The following TAFA1 variants were observed in gnomAD, a reference collection of about 807,000 sequenced individuals.
TAFA1 encodes the protein chemokine-like protein TAFA-1.
TAFA1 carries 4 observed loss-of-function variants against 18.5 expected under a neutral mutation model. The observed-to-expected ratio is 0.22, with a 90% CI of 0.11 to 0.49. The LOEUF (loss-of-function observed/expected upper bound fraction) is 0.49, where lower values mean the gene tolerates loss of function less well. TAFA1 is among the 20% of genes least tolerant of loss of function. The pLI is 0.98. For missense variants in TAFA1, 147 were observed against 169.0 expected (o/e 0.87, Z 0.72); for synonymous variants, 56 against 55.2 (o/e 1.01, Z -0.06).
intron 2 of TAFA1, among the ~76,000 whole-genome samples, chr3:68,320,649 C>T (rs1314068385): frequency 6.6e-6 from 1 of 152,136 alleles, no homozygotes; most frequent in African/African-American, 2.4e-5. Flanking sequence ...GAGGTGGCTC[C>T]CTGTTACTGC....
intron 2 of TAFA1, among the ~76,000 whole-genome samples, chr3:68,127,024 A>C (rs978137233): frequency 1.3e-5 from 2 of 152,226 alleles, no homozygotes; most frequent in Non-Finnish European, 2.9e-5. Context: ...TGATGTTACT[A>C]TGTAGCCTGA....
chr3:68,372,856 G>C (rs559655408), intron 2 of TAFA1, among the ~76,000 whole-genome samples: 2 of 152,260 alleles, frequency 1.3e-5, no homozygotes, highest in Non-Finnish European at 2.9e-5. Flanking sequence ...AAGAAGCTAA[G>C]CCAAGGAATC....
intron 3 of TAFA1, among the ~76,000 whole-genome samples, chr3:68,433,978 G>T (rs1024515137): frequency 6.6e-6 from 1 of 152,038 alleles, no homozygotes; most frequent in Non-Finnish European, 1.5e-5. Context: ...ACATTCTTTT[G>T]TCCTGAGTGT....
intron 2 of TAFA1, among the ~76,000 whole-genome samples, chr3:68,306,611 C>T (rs990283596): frequency 1.3e-5 from 2 of 152,200 alleles, no homozygotes; most frequent in Non-Finnish European, 2.9e-5. Context: ...CCTCCGCCTC[C>T]ACCTCCTGGA....
chr3:68,492,483 C>T (rs1490592957), intron 3 of TAFA1, among the ~76,000 whole-genome samples: 2 of 152,128 alleles, frequency 1.3e-5, no homozygotes, highest in Non-Finnish European at 2.9e-5. Flanking sequence ...CTCATTTCTC[C>T]CTGAATTCAT....
intron 2 of TAFA1, among the ~76,000 whole-genome samples, chr3:68,370,472 GTATATATATATATATATATATATA>G (rs749877780): frequency 6.4e-4 from 21 of 33,034 alleles, no homozygotes; most frequent in African/African-American, 2.1e-3. Context: ...GTGTGTGTGT[GTATATATATATATATATATATATA>G]TATATATATA....
At chr3:68,164,630 C>T (rs369623776) in intron 2 of TAFA1, among the ~76,000 whole-genome samples, 51 of 146,718 alleles carry the variant, frequency 3.5e-4, no homozygotes, top group East Asian at 1.2e-3. Flanking sequence ...CCTTTTGCAA[C>T]GTGTGTGTGT....
chr3:68,238,604 A>C (rs1385941180), intron 2 of TAFA1, among the ~76,000 whole-genome samples: 1 of 152,192 alleles, frequency 6.6e-6, no homozygotes, highest in Admixed American at 6.5e-5. Flanking sequence ...TTTAATCAAA[A>C]GCTGGCACAA....
At chr3:68,179,178 C>G (rs530384898) in intron 2 of TAFA1, among the ~76,000 whole-genome samples, 3 of 152,254 alleles carry the variant, frequency 2.0e-5, no homozygotes, top group Non-Finnish European at 4.4e-5. Flanking sequence ...TCCAGGAAAA[C>G]TATATTTTAT....
chr3:68,500,094 CA>C (rs1373222739), intron 3 of TAFA1, among the ~76,000 whole-genome samples: 1 of 151,984 alleles, frequency 6.6e-6, no homozygotes. Flanking sequence ...GGCTCTTTGA[CA>C]TGGCTCTAAA....
rs114164571 is a variant in TAFA1 at position 68,240,547 on chromosome 3, C to A, written c.119-176733C>A. Among the ~76,000 whole-genome samples the A allele has an allele frequency of 8.7e-3, 1,318 of 152,258 alleles. 22 individuals are homozygous for A. The highest frequency in any genetic ancestry group is 0.03 in the African/African-American group (1,264 of 41,546). On this transcript the variant is annotated intron_variant, in intron 2 of 4. Transcript: ENST00000478136. ...ATAGAGAGAAGGAGCACCATGCTCA[C>A]CCTTGCATCGGGTTTATATGACCTT...
At chr3:68,094,785 T>C (rs1458626143) in intron 2 of TAFA1, among the ~76,000 whole-genome samples, 4 of 152,164 alleles carry the variant, frequency 2.6e-5, no homozygotes, top group African/African-American at 9.7e-5. Context: ...ACTGAGTGGA[T>C]GTTAGTGTTC....
rs371392894 is a variant in TAFA1, at chr3:68,080,914, A to G, written c.118+74170A>G. Among the ~76,000 whole-genome samples the G allele has an allele frequency of 7.8e-3, 1,182 of 152,228 alleles. 8 individuals are homozygous for G. Among genetic ancestry groups the G allele is most frequent in the Non-Finnish European group, 0.013 (858 of 68,014 alleles). On this transcript the variant is annotated intron_variant, in intron 2 of 4. Coordinates refer to ENST00000478136, the MANE Select transcript of TAFA1 (RefSeq NM_213609.4). ...ATAATATCCTGCAGAGTGTTTTCCA[A>G]CTTGGTTCCATTCTCCCCATCACTT...
At chr3:68,249,409 G>GACAA (rs1431956279) in intron 2 of TAFA1, among the ~76,000 whole-genome samples, 1 of 152,130 alleles carries the variant, frequency 6.6e-6, no homozygotes, top group East Asian at 1.9e-4. Context: ...TCACAGCTCT[G>GACAA]ACAACTCAGT....
rs139761181 is a variant in TAFA1, at chr3:68,280,205, A to T, written c.119-137075A>T. On this transcript the variant is annotated intron_variant, in intron 2 of 4. Coordinates refer to ENST00000478136, the MANE Select transcript of TAFA1 (RefSeq NM_213609.4). The stretch of plus-strand genomic sequence containing the variant: ...GCATAAAAGGACTTTTAAAAGGGGG[A>T]ACTGAGACATCTTTCAACAGTGACC... Among the ~76,000 whole-genome samples, 5 of 152,230 alleles carry T rather than the reference A, an allele frequency of 3.3e-5. No homozygotes were observed. In the East Asian group the frequency reaches 9.6e-4, roughly 29 times the overall value.
intron 2 of TAFA1, among the ~76,000 whole-genome samples, chr3:68,098,883 A>G (rs918205072): frequency 3.9e-5 from 6 of 152,122 alleles, no homozygotes; most frequent in African/African-American, 1.4e-4. Context: ...TCAACAAAGC[A>G]GACAAAAATA....
chr3:68,482,504 G>A (rs6801913), intron 3 of TAFA1, among the ~76,000 whole-genome samples: 53,674 of 152,010 alleles, frequency 0.35, 10,614 homozygotes, highest in East Asian at 0.68. Context: ...AAAAGTAACA[G>A]AGTTGTCAGT....
Position 68,245,954 on chromosome 3 carries a change from G to A in TAFA1, c.119-171326G>A, listed in dbSNP as rs115774552. ...AAAGCGGGTATGGTATAAGACACAG[G>A]CATAGGTAATAAAGTGACTCAAAAC... is the stretch of plus-strand genomic sequence containing the variant. On this transcript the variant is annotated intron_variant, in intron 2 of 4. Transcript: ENST00000478136. 1.3e-3 allele frequency among the ~76,000 whole-genome samples: 202 copies of A among 152,286 alleles called. 1 individual carries two copies. Among genetic ancestry groups the A allele is most frequent in the African/African-American group, 4.7e-3 (195 of 41,540 alleles).
intron 2 of TAFA1, among the ~76,000 whole-genome samples, chr3:68,376,372 C>T (rs1469608253): frequency 6.6e-6 from 1 of 151,704 alleles, no homozygotes; most frequent in Non-Finnish European, 1.5e-5. Flanking sequence ...GCCCAGTACC[C>T]ATTAGTTAGT....
Sources: allele counts gnomAD v4.1 joint callset (sites outside exome capture counted in the v4.1 genomes callset), GRCh38; gene constraint gnomAD v4.1.1; transcripts MANE v1.5; gene names NCBI Gene and HGNC (gene_info 2026-07-23, HGNC 2026-07-21).